The following MEGF11 variants were observed in gnomAD, a reference collection of about 807,000 sequenced individuals.
MEGF11 encodes the protein multiple EGF like domains 11, also known as multiple epidermal growth factor-like domains protein 11.
In MEGF11, 126 loss-of-function variants were observed where a neutral mutation model predicts 146.6. The observed-to-expected ratio is 0.86, with a 90% CI of 0.74 to 1.00. The LOEUF (loss-of-function observed/expected upper bound fraction) is 1.00, where lower values mean the gene tolerates loss of function less well. MEGF11 is among the 50% of genes least tolerant of loss of function. MEGF11 has a pLI of 0.00. For synonymous variants in MEGF11, 532 were observed against 583.4 expected (o/e 0.91, Z 1.27); for missense variants, 1,509 against 1,521.2 (o/e 0.99, Z 0.13).
At chr15:65,949,105 C>CAT (rs2080300423) in intron 10 of MEGF11, among the ~76,000 whole-genome samples, 1 of 152,150 alleles carries the variant, frequency 6.6e-6, no homozygotes, top group Admixed American at 6.5e-5. Context: ...ACATGATATC[C>CAT]ATGTCACCTG....
intron 5 of MEGF11, among the ~76,000 whole-genome samples, chr15:66,022,463 T>C (rs922992849): frequency 2.6e-5 from 4 of 152,218 alleles, no homozygotes; most frequent in African/African-American, 9.6e-5. Context: ...CACACACGTA[T>C]GACTTTGTAC....
intron 1 of MEGF11, among the ~76,000 whole-genome samples, chr15:66,193,429 G>A (rs2090931822): frequency 6.6e-6 from 1 of 152,204 alleles, no homozygotes; most frequent in African/African-American, 2.4e-5. Flanking sequence ...AGTAAAGTAG[G>A]TGCAGACCCT....
chr15:65,982,105 G>T lies in MEGF11; in HGVS notation c.641+137C>A. Reference sequence around the variant, plus strand: ...GCCCACCCACAAGGAGCCCAGGGCTGGGCGTGCAGCTGCGGTGAGGGCAGC... The same window carrying T: ...GCCCACCCACAAGGAGCCCAGGGCTTGGCGTGCAGCTGCGGTGAGGGCAGC... On this transcript the variant is annotated intron_variant, in intron 6 of 25. Transcript: ENST00000395614. This position sits in a 1 kb window ranked among gnomAD's most constrained non-coding sequence, Gnocchi z 5.6. 6 of 1,196,958 alleles carry T rather than the reference G, an allele frequency of 5.0e-6. No homozygotes were observed. The highest frequency in any genetic ancestry group is 3.2e-5 in the South Asian group (2 of 62,502). 74.1% of individuals were successfully genotyped at this position (1,196,958 alleles called of 1,614,324 possible).
intron 1 of MEGF11, among the ~76,000 whole-genome samples, chr15:66,249,303 G>A (rs1025716946): frequency 6.6e-6 from 1 of 152,032 alleles, no homozygotes; most frequent in Non-Finnish European, 1.5e-5. Flanking sequence ...ATTAGCAGGA[G>A]AAGCAATCTC....
intron 10 of MEGF11, among the ~76,000 whole-genome samples, chr15:65,931,818 C>T (rs1445953354): frequency 2.0e-5 from 3 of 152,182 alleles, no homozygotes; most frequent in African/African-American, 7.2e-5. Flanking sequence ...TATCATGTGC[C>T]ATACACACTA....
chr15:66,025,391 G>A (rs546358288), intron 5 of MEGF11, among the ~76,000 whole-genome samples: 1 of 152,208 alleles, frequency 6.6e-6, no homozygotes, highest in East Asian at 1.9e-4. Context: ...GCCTGAGGCA[G>A]GGAGGAGGGA....
chr15:66,204,107 CA>C (rs1360886335), intron 1 of MEGF11, among the ~76,000 whole-genome samples: 1 of 151,106 alleles, frequency 6.6e-6, no homozygotes, highest in Non-Finnish European at 1.5e-5. Flanking sequence ...AAAGGTTCTA[CA>C]AAAAAGATAA....
chr15:65,918,936 A>C (rs1241134880), intron 15 of MEGF11, among the ~76,000 whole-genome samples: 2 of 152,218 alleles, frequency 1.3e-5, no homozygotes, highest in South Asian at 4.1e-4. Context: ...TGGCACTCCT[A>C]TGTCCTGCTT....
chr15:66,127,064 C>A (rs1036948691), intron 2 of MEGF11, among the ~76,000 whole-genome samples: 2 of 152,166 alleles, frequency 1.3e-5, no homozygotes, highest in African/African-American at 4.8e-5. Flanking sequence ...AACGGCTGCC[C>A]TTGATCCTCC....
At chr15:66,124,367 T>A (rs983053438) in intron 2 of MEGF11, among the ~76,000 whole-genome samples, 1 of 152,240 alleles carries the variant, frequency 6.6e-6, no homozygotes, top group African/African-American at 2.4e-5. Flanking sequence ...TCTTTATGGT[T>A]TTCAAAGAAC....
chr15:66,232,870 A>C (rs2140207454), intron 1 of MEGF11, among the ~76,000 whole-genome samples: 1 of 152,348 alleles, frequency 6.6e-6, no homozygotes, highest in East Asian at 1.9e-4. Context: ...ACCATTTTAC[A>C]GATGAGGAAA....
intron 5 of MEGF11, among the ~76,000 whole-genome samples, chr15:66,031,068 G>A (rs1482627824): frequency 6.6e-6 from 1 of 152,196 alleles, no homozygotes; most frequent in Non-Finnish European, 1.5e-5. Flanking sequence ...TGTCCAAGCA[G>A]AGGGAAGTGG....
intron 5 of MEGF11, among the ~76,000 whole-genome samples, chr15:66,036,622 C>T (rs200298286): frequency 2.0e-5 from 3 of 152,110 alleles, no homozygotes; most frequent in African/African-American, 4.8e-5. Flanking sequence ...CTGCCTTGAC[C>T]GTCATTTCAT....
chr15:66,069,739 C>T (rs1309829556), intron 5 of MEGF11, among the ~76,000 whole-genome samples: 1 of 152,134 alleles, frequency 6.6e-6, no homozygotes, highest in Non-Finnish European at 1.5e-5. Flanking sequence ...TAGAAAAACA[C>T]TGGGATGAAA....
chr15:66,205,251 G>T (rs1024110329), intron 1 of MEGF11, among the ~76,000 whole-genome samples: 7 of 152,214 alleles, frequency 4.6e-5, no homozygotes, highest in Non-Finnish European at 8.8e-5. Flanking sequence ...GATCAGCCTG[G>T]GCAATATAGC....
Position 65,898,030 on chromosome 15 carries a change from G to C in MEGF11, c.3327C>G (p.Tyr1109Ter). ...GHNSSYIQNA[Y>*]DLPRNSHIPG... Reference sequence around the variant, plus strand: ...GAATATGGCTGTTCCTAGGTAGGTCGTATGCATTCTGGATATAGCTGGAGT... The same window carrying C: ...GAATATGGCTGTTCCTAGGTAGGTCCTATGCATTCTGGATATAGCTGGAGT... The change falls in exon 26 of 26, where the codon TAC (tyrosine) becomes TAG (stop). Residue 1109 changes from tyrosine (Y) to a stop codon, truncating the protein, a stop_gained. Transcript: ENST00000395614. LOFTEE classifies it high-confidence loss of function. The C allele has an allele frequency of 6.2e-7, 1 of 1,613,952 alleles. No homozygotes were observed. Among genetic ancestry groups the C allele is most frequent in the Admixed American group, 1.7e-5 (1 of 60,028 alleles).
chr15:66,008,799 G>C (rs191115669), intron 5 of MEGF11, among the ~76,000 whole-genome samples: 81 of 149,630 alleles, frequency 5.4e-4, no homozygotes, highest in Admixed American at 1.5e-3. Flanking sequence ...GCTCCAGCTT[G>C]GACAACAGAA....
chr15:66,117,370 TAGTACCC>T lies in MEGF11; in HGVS notation c.301+1709_301+1715del, dbSNP rs1567249372. 2.0e-5 allele frequency among the ~76,000 whole-genome samples: 3 copies of T among 152,236 alleles called. No homozygotes were observed. In the South Asian group the frequency reaches 6.2e-4, roughly 32 times the overall value. ...GTCCTAGGGTCACCTGGCCAGAAGG[TAGTACCC>T]AGTGGTTACATAAGGAGTAAGTCGG... On this transcript the variant is annotated intron_variant, in intron 4 of 25. Transcript: ENST00000395614.
intron 4 of MEGF11, among the ~76,000 whole-genome samples, chr15:66,112,193 G>T (rs539624430): frequency 2.0e-5 from 3 of 151,722 alleles, no homozygotes; most frequent in Admixed American, 6.6e-5. Flanking sequence ...AGAACTAATC[G>T]CTCGAGATAA....
Sources: allele counts gnomAD v4.1 joint callset (sites outside exome capture counted in the v4.1 genomes callset), GRCh38; gene constraint gnomAD v4.1.1; non-coding constraint Gnocchi (gnomAD v3.1); transcripts MANE v1.5; gene names NCBI Gene and HGNC (gene_info 2026-07-23, HGNC 2026-07-21).